Variants in AJAP1 observed in about 807,000 individuals in gnomAD.
AJAP1 encodes the protein adherens junctions associated protein 1, also known as adherens junction-associated protein 1.
Under a neutral mutation model 35.0 loss-of-function variants are expected in AJAP1, and 5 were observed. That is an observed-to-expected ratio of 0.14 (90% CI 0.07 to 0.30). The LOEUF is 0.30. Ranked by LOEUF, AJAP1 falls within the 10% of genes least tolerant of loss-of-function variation. AJAP1 has a pLI of 1.00. For missense variants in AJAP1, 586 were observed against 571.0 expected (o/e 1.03, Z -0.27); for synonymous variants, 284 against 249.3 (o/e 1.14, Z -1.31).
Position 4,712,442 on chromosome 1 carries a change from C to T in AJAP1, c.572C>T (p.Ala191Val), listed in dbSNP as rs752292000. Reference sequence around the variant, plus strand: ...TGGGGGCCCACGGGGGACGAGGAGGCCCTGGAGTCCAACACATTTCCGGGC... The same window carrying T: ...TGGGGGCCCACGGGGGACGAGGAGGTCCTGGAGTCCAACACATTTCCGGGC... ...IAWGPTGDEE[A>V]LESNTFPGVY... Residue 191 changes from alanine (A) to valine (V), a missense_variant, in exon 2 of 6, where the codon GCC (alanine) becomes GTC (valine). Physicochemically the swap from Ala to Val is moderately conservative, Grantham distance 64. Coordinates refer to ENST00000378191, the MANE Select transcript of AJAP1 (RefSeq NM_018836.4). The T allele has an allele frequency of 5.0e-6, 8 of 1,608,588 alleles. No individual in the cohort carries two copies. Among genetic ancestry groups the T allele is most frequent in the Non-Finnish European group, 3.4e-6 (4 of 1,177,824 alleles).
chr1:4,681,875 GGAT>G (rs1199810815), intron 1 of AJAP1, among the ~76,000 whole-genome samples: 7 of 152,174 alleles, frequency 4.6e-5, no homozygotes, highest in African/African-American at 1.7e-4. Flanking sequence ...AAAATGAAGG[GGAT>G]GACAGCAGCC....
chr1:4,657,630 G>A (rs1487301212), intron 1 of AJAP1, among the ~76,000 whole-genome samples: 42 of 150,478 alleles, frequency 2.8e-4, no homozygotes, highest in Non-Finnish European at 7.4e-5. Flanking sequence ...GTTAGGACAG[G>A]TAGACACTGA....
intron 1 of AJAP1, among the ~76,000 whole-genome samples, chr1:4,696,204 T>C (rs572566036): frequency 4.2e-4 from 64 of 152,262 alleles, no homozygotes; most frequent in Non-Finnish European, 7.2e-4. Flanking sequence ...CTCCTGGTCA[T>C]TCAGAAATGT....
rs1216123797 is a variant in AJAP1, at chr1:4,655,602, C to G, written c.29+148C>G. 16 of 998,050 alleles carry G rather than the reference C, an allele frequency of 1.6e-5. No homozygotes were observed. The highest frequency in any genetic ancestry group is 6.0e-4 in the Middle Eastern group (2 of 3,354). The allele number at this position is 998,050 out of a possible 1,614,324, so 61.8% of individuals were successfully genotyped here. A position where few individuals can be genotyped will look rare whatever the true frequency, so the allele number is the denominator to read the frequency against. On this transcript the variant is annotated intron_variant, in intron 1 of 5. Coordinates refer to ENST00000378191, the MANE Select transcript of AJAP1 (RefSeq NM_018836.4). This position sits in a 1 kb window ranked among gnomAD's most constrained non-coding sequence, Gnocchi z 6.9. ...GGGTGCACCGGTAGCCGGAAAGGGGCGCCCGCCCGGAGCCTGGAGCAGCAC... is the reference window on the plus strand; with the variant it reads ...GGGTGCACCGGTAGCCGGAAAGGGGGGCCCGCCCGGAGCCTGGAGCAGCAC...
intron 2 of AJAP1, among the ~76,000 whole-genome samples, chr1:4,744,745 C>A (rs1032623729): frequency 1.3e-5 from 2 of 152,148 alleles, no homozygotes; most frequent in African/African-American, 4.8e-5. Context: ...CATGCAGACA[C>A]GAAACACAGG....
At chr1:4,709,478 C>G (rs1032627992) in intron 1 of AJAP1, among the ~76,000 whole-genome samples, 1 of 151,830 alleles carries the variant, frequency 6.6e-6, no homozygotes, top group Admixed American at 6.6e-5. Flanking sequence ...CCTGGTGGAG[C>G]CTGAAGGGGC....
At chr1:4,755,076 G>A (rs1557641073) in intron 2 of AJAP1, among the ~76,000 whole-genome samples, 2 of 152,158 alleles carry the variant, frequency 1.3e-5, no homozygotes, top group Non-Finnish European at 2.9e-5. Flanking sequence ...AGCCCATGGA[G>A]CCGTGGTTGG....
rs1481038552 is a variant in AJAP1 at position 4,687,846 on chromosome 1, C to T, written c.30-24054C>T. On this transcript the variant is annotated intron_variant, in intron 1 of 5. Coordinates refer to ENST00000378191, the MANE Select transcript of AJAP1 (RefSeq NM_018836.4). ...ATTCATTCATTCAGCCTCCTTCATCCGCCAGGCCTCTGTGTGGGAGGTGCT... is the reference window on the plus strand; with the variant it reads ...ATTCATTCATTCAGCCTCCTTCATCTGCCAGGCCTCTGTGTGGGAGGTGCT... 3.3e-5 allele frequency among the ~76,000 whole-genome samples: 5 copies of T among 152,192 alleles called. No homozygotes were observed. In the South Asian group the frequency reaches 8.3e-4, roughly 25 times the overall value.
intron 2 of AJAP1, among the ~76,000 whole-genome samples, chr1:4,735,804 C>T (rs989348093): frequency 6.6e-6 from 1 of 152,236 alleles, no homozygotes; most frequent in South Asian, 2.1e-4. Context: ...AAATGGGGCA[C>T]AGCCCCTGTT....
intron 1 of AJAP1, among the ~76,000 whole-genome samples, chr1:4,679,925 C>T (rs1480964755): frequency 6.6e-6 from 1 of 151,884 alleles, no homozygotes; most frequent in African/African-American, 2.4e-5. Context: ...TGCAGCCAGC[C>T]AGCTGGAGAC....
chr1:4,667,923 G>A (rs553063472), intron 1 of AJAP1, among the ~76,000 whole-genome samples: 14 of 152,276 alleles, frequency 9.2e-5, no homozygotes, highest in East Asian at 7.7e-4. Flanking sequence ...AAAGAATGCC[G>A]TTAGGGTAAG....
chr1:4,669,168 C>A (rs1332685352), intron 1 of AJAP1, among the ~76,000 whole-genome samples: 1 of 152,150 alleles, frequency 6.6e-6, no homozygotes, highest in Admixed American at 6.5e-5. Flanking sequence ...GTTCCAAGAC[C>A]TTTTCATCAC....
Position 4,787,816 on chromosome 1 carries a change from C to T in AJAP1, c.*5331C>T. ...CGGGCACCTTGGGGATGCCATTCTTCTTGGTGCCAGAAGGCAGCTGCATCT... is the reference window on the plus strand; with the variant it reads ...CGGGCACCTTGGGGATGCCATTCTTTTTGGTGCCAGAAGGCAGCTGCATCT... On this transcript the variant is annotated 3_prime_UTR_variant, in exon 6 of 6. Transcript: ENST00000378191. 2.2e-6 allele frequency: 1 copy of T among 453,104 alleles called. No individual in the cohort carries two copies. Among genetic ancestry groups the T allele is most frequent in the Non-Finnish European group, 4.4e-6 (1 of 224,810 alleles). 28.1% of individuals were successfully genotyped at this position (453,104 alleles called of 1,614,324 possible). A position where few individuals can be genotyped will look rare whatever the true frequency, so the allele number is the denominator to read the frequency against.
At chr1:4,756,834 C>T (rs1185909967) in intron 2 of AJAP1, among the ~76,000 whole-genome samples, 1 of 152,136 alleles carries the variant, frequency 6.6e-6, no homozygotes, top group Non-Finnish European at 1.5e-5. Context: ...AGCAGAGAAT[C>T]CTTGTGGGTT....
chr1:4,680,682 G>A (rs1037332287), intron 1 of AJAP1, among the ~76,000 whole-genome samples: 5 of 152,158 alleles, frequency 3.3e-5, no homozygotes, highest in African/African-American at 1.2e-4. Flanking sequence ...GGGCATAAAT[G>A]ACTTCCCAGA....
At chr1:4,777,258 T>C (rs1641957984) in intron 5 of AJAP1, 1 of 152,220 alleles carries the variant, frequency 6.6e-6, no homozygotes, top group South Asian at 2.1e-4. Context: ...TGGAGCTCTT[T>C]CTCTCTCACA....
rs1379621709 is a variant in AJAP1 at position 4,723,087 on chromosome 1, G to A, written c.829+10388G>A. Among the ~76,000 whole-genome samples the A allele has an allele frequency of 1.3e-5, 2 of 152,176 alleles. No homozygotes were observed. Among genetic ancestry groups the A allele is most frequent in the African/African-American group, 2.4e-5 (1 of 41,432 alleles). The stretch of plus-strand genomic sequence containing the variant: ...GATAACTTGTAGAGAGGTGGGACGC[G>A]AGCCCCAAGAGAGCATCGGCTGGGG... On this transcript the variant is annotated intron_variant, in intron 2 of 5. Transcript: ENST00000378191. This position sits in a 1 kb window ranked among gnomAD's most constrained non-coding sequence, Gnocchi z 4.3.
intron 1 of AJAP1, among the ~76,000 whole-genome samples, chr1:4,690,142 G>A (rs2100224696): frequency 6.6e-6 from 1 of 152,284 alleles, no homozygotes; most frequent in Non-Finnish European, 1.5e-5. Flanking sequence ...CGACACCAGT[G>A]CCCAGGGCCA....
chr1:4,721,932 G>A (rs981109645), intron 2 of AJAP1, among the ~76,000 whole-genome samples: 1 of 152,156 alleles, frequency 6.6e-6, no homozygotes. Context: ...ACATTTAAGC[G>A]CCCCAGCCCA....
Sources: gnomAD v4.1 joint callset for allele counts (sites outside exome capture counted in the v4.1 genomes callset) on GRCh38, gnomAD v4.1.1 for gene constraint, Gnocchi (gnomAD v3.1) non-coding constraint, MANE v1.5 for transcripts, NCBI Gene and HGNC (gene_info 2026-07-23, HGNC 2026-07-21) for gene names.